DEGS1: variants seen among roughly 807,000 people sequenced by gnomAD.
The protein encoded by DEGS1 is sphingolipid delta(4)-desaturase DES1.
In DEGS1, 17 loss-of-function variants were observed where a neutral mutation model predicts 24.1. The observed-to-expected ratio is 0.70, with a 90% CI of 0.48 to 1.06. DEGS1 has a LOEUF of 1.06. Among genes scored for constraint, DEGS1 ranks in the 50% least tolerant of loss-of-function variants. DEGS1 has a pLI of 0.00. For synonymous variants in DEGS1, 134 were observed against 140.0 expected (o/e 0.96, Z 0.30); for missense variants, 366 against 408.9 (o/e 0.90, Z 0.91).
chr1:224,188,842 GTT>G (rs1387826127), intron 1 of DEGS1, among the ~76,000 whole-genome samples: 3 of 152,056 alleles, frequency 2.0e-5, no homozygotes, highest in Non-Finnish European at 2.9e-5. Context: ...CGATTTCTCT[GTT>G]TTCTTTTGTC....
chr1:224,186,537 C>T (rs1283513027), intron 1 of DEGS1, among the ~76,000 whole-genome samples: 1 of 151,986 alleles, frequency 6.6e-6, no homozygotes, highest in Non-Finnish European at 1.5e-5. Context: ...CACGGTGAAA[C>T]CCCATCTCTA....
Position 224,192,583 on chromosome 1 carries a change from A to G in DEGS1, c.*105A>G. The G allele has an allele frequency of 9.0e-7, 1 of 1,115,808 alleles. No individual in the cohort carries two copies. 69.1% of individuals were successfully genotyped at this position (1,115,808 alleles called of 1,614,324 possible). On this transcript the variant is annotated 3_prime_UTR_variant, in exon 3 of 3. Coordinates refer to ENST00000323699, the MANE Select transcript of DEGS1 (RefSeq NM_003676.4). ...AGTGATGCTCAGAAGCTCCCCTGGC[A>G]CAATTTCAGAGTAAGAGCTCGGTGA...
intron 1 of DEGS1, chr1:224,183,754 T>C (rs1658301423): frequency 4.8e-6 from 1 of 206,562 alleles, no homozygotes; most frequent in African/African-American, 2.3e-5. Context: ...TGAGTAGATC[T>C]TTTCGCTAGA....
intron 1 of DEGS1, chr1:224,183,817 C>T (rs1658304040): frequency 6.4e-6 from 1 of 156,598 alleles, no homozygotes; most frequent in African/African-American, 2.4e-5. Context: ...TCCCTCTCCT[C>T]CGGAGCGGGC....
intron 1 of DEGS1, among the ~76,000 whole-genome samples, chr1:224,186,472 A>G (rs893899227): frequency 3.0e-4 from 46 of 152,088 alleles, no homozygotes; most frequent in Admixed American, 4.6e-4. Context: ...CCAGCACTTT[A>G]GGAGGCTAAG....
At chr1:224,185,449 C>A (rs1053550638) in intron 1 of DEGS1, among the ~76,000 whole-genome samples, 1 of 152,172 alleles carries the variant, frequency 6.6e-6, no homozygotes, top group Non-Finnish European at 1.5e-5. Flanking sequence ...CATACCTCAG[C>A]CTGCCAGTAG....
chr1:224,186,087 G>A (rs933084257), intron 1 of DEGS1, among the ~76,000 whole-genome samples: 1 of 151,908 alleles, frequency 6.6e-6, no homozygotes, highest in African/African-American at 2.4e-5. Flanking sequence ...AGGAACACTT[G>A]AACTCAGGAG....
chr1:224,185,083 C>T (rs1658345991), intron 1 of DEGS1, among the ~76,000 whole-genome samples: 2 of 151,902 alleles, frequency 1.3e-5, no homozygotes, highest in South Asian at 4.2e-4. Context: ...AGTTTTTCTT[C>T]TCAACATTCA....
At chr1:224,185,796 A>G (rs1041184026) in intron 1 of DEGS1, among the ~76,000 whole-genome samples, 1 of 152,182 alleles carries the variant, frequency 6.6e-6, no homozygotes, top group Non-Finnish European at 1.5e-5. Context: ...GCCAGGCCAC[A>G]TATGATATAT....
At chr1:224,190,794 A>AG (rs1658518492) in intron 2 of DEGS1, among the ~76,000 whole-genome samples, 1 of 151,920 alleles carries the variant, frequency 6.6e-6, no homozygotes, top group African/African-American at 2.4e-5. Context: ...GTGGTACGAT[A>AG]GCTCACTGCA....
At chr1:224,191,560 G>C (rs1266484192) in intron 2 of DEGS1, among the ~76,000 whole-genome samples, 1 of 144,506 alleles carries the variant, frequency 6.9e-6, no homozygotes, top group African/African-American at 2.5e-5. Flanking sequence ...TTTTTAACTT[G>C]AGATGGCAGA....
At chr1:224,186,768 G>A (rs1284970033) in intron 1 of DEGS1, among the ~76,000 whole-genome samples, 1 of 150,620 alleles carries the variant, frequency 6.6e-6, no homozygotes, top group African/African-American at 2.4e-5. Context: ...AAAATACAGT[G>A]TACAATGTTT....
intron 2 of DEGS1, among the ~76,000 whole-genome samples, chr1:224,190,640 C>T (rs992470440): frequency 3.3e-5 from 5 of 151,448 alleles, no homozygotes; most frequent in Non-Finnish European, 7.4e-5. Flanking sequence ...ATAAATACTG[C>T]ATCTTCCAGC....
rs1447047192 is a variant in DEGS1 at position 224,183,248 on chromosome 1, A to C, written c.-89A>C. On this transcript the variant is annotated 5_prime_UTR_variant, in exon 1 of 3. Transcript: ENST00000323699. The stretch of plus-strand genomic sequence containing the variant: ...CGCCACAGCCGGCCGACACCACACC[A>C]GCCGGGGAGCCGCCGCCGCCGCCGC... 4 of 1,233,318 alleles carry C rather than the reference A, an allele frequency of 3.2e-6. No homozygotes were observed. Among genetic ancestry groups the C allele is most frequent in the African/African-American group, 1.6e-5 (1 of 63,260 alleles). The allele number at this position is 1,233,318 out of a possible 1,614,324, so 76.4% of individuals were successfully genotyped here. A position where few individuals can be genotyped will look rare whatever the true frequency, so the allele number is the denominator to read the frequency against.
At position 224,189,850 on chromosome 1, in the gene DEGS1, C is replaced by A. The variant is rs1269455128; in HGVS notation, c.356C>A (p.Pro119Gln). 1 of 1,614,158 alleles carries A rather than the reference C, an allele frequency of 6.2e-7. No individual in the cohort carries two copies. The highest frequency in any genetic ancestry group is 1.1e-5 in the South Asian group (1 of 91,072). ...TTTGCTAATCTTCCTATTGGGATTC[C>A]ATATTCAATTTCCTTTAAGAGGTAT... ...GMFANLPIGI[P>Q]YSISFKRYHM... The change falls in exon 2 of 3, where the codon CCA becomes CAA. Residue 119 changes from proline (P) to glutamine (Q), a missense_variant. Physicochemically the swap from Pro to Gln is moderately conservative, Grantham distance 76. Transcript: ENST00000323699.
Position 224,189,920 on chromosome 1 carries a change from A to G in DEGS1, c.426A>G (p.Val142=). Residue 142 remains valine, a synonymous_variant, in exon 2 of 3, where the codon GTA becomes GTG. Transcript: ENST00000323699. ...HRYLGADGVD[V]DIPTDFEGWF... The stretch of plus-strand genomic sequence containing the variant: ...ACCTTGGAGCTGATGGCGTCGATGT[A>G]GATATTCCTACCGATTTTGAGGGCT... The G allele has an allele frequency of 6.2e-7, 1 of 1,614,202 alleles. No homozygotes were observed.
In DEGS1 at chr1:224,189,987, C is replaced by T; in HGVS notation, c.493C>T (p.Leu165Phe). Residue 165 changes from leucine (L) to phenylalanine (F), a missense_variant, in exon 2 of 3, where the codon CTT becomes TTT. Transcript: ENST00000323699. ...TAFRKFIWVI[L>F]QPLFYAFRPL... ...TTTCAGAAAGTTTATATGGGTTATT[C>T]TTCAGCCTCTCTTTTATGCCTTTCG... The T allele has an allele frequency of 6.2e-7, 1 of 1,614,198 alleles. No homozygotes were observed. Among genetic ancestry groups the T allele is most frequent in the South Asian group, 1.1e-5 (1 of 91,086 alleles).
At chr1:224,186,712 CAAA>C (rs34809195) in intron 1 of DEGS1, among the ~76,000 whole-genome samples, 5 of 79,858 alleles carry the variant, frequency 6.3e-5, no homozygotes, top group African/African-American at 1.5e-4. Context: ...GCCTCCGTCT[CAAA>C]AAAAAAAAAA....
chr1:224,188,732 C>T (rs1182607440), intron 1 of DEGS1, among the ~76,000 whole-genome samples: 1 of 152,214 alleles, frequency 6.6e-6, no homozygotes, highest in South Asian at 2.1e-4. Flanking sequence ...ATATAGGTCC[C>T]TTATGAGATA....
Sources: allele counts gnomAD v4.1 joint callset (sites outside exome capture counted in the v4.1 genomes callset), GRCh38; gene constraint gnomAD v4.1.1; transcripts MANE v1.5; gene names NCBI Gene and HGNC (gene_info 2026-07-23, HGNC 2026-07-21).